The following PXDNL variants were observed in gnomAD, a reference collection of about 807,000 sequenced individuals.
PXDNL encodes peroxidasin like.
In PXDNL, 145 loss-of-function variants were observed where a neutral mutation model predicts 150.8. That is an observed-to-expected ratio of 0.96 (90% CI 0.84 to 1.10). The LOEUF (loss-of-function observed/expected upper bound fraction) is 1.10, where lower values mean the gene tolerates loss of function less well. Ranked by LOEUF, PXDNL falls within the 50% of genes least tolerant of loss-of-function variation. PXDNL has a pLI of 0.00. For synonymous variants in PXDNL, 757 were observed against 725.7 expected, an observed-to-expected ratio of 1.04 and a Z score of -0.69; for missense variants, 2,087 against 1,873.9, an observed-to-expected ratio of 1.11 and a Z score of -2.10.
intron 2 of PXDNL, among the ~76,000 whole-genome samples, chr8:51,641,460 C>T (rs1407231732): frequency 2.6e-5 from 4 of 151,948 alleles, no homozygotes; most frequent in Admixed American, 2.6e-4. Context: ...ACTTATCTGA[C>T]AAAGGGCTAA....
intron 1 of PXDNL, among the ~76,000 whole-genome samples, chr8:51,717,372 C>T (rs1025707373): frequency 1.3e-5 from 2 of 152,214 alleles, no homozygotes; most frequent in South Asian, 2.1e-4. Context: ...TCTAAGGACA[C>T]ATTATCCAGT....
At chr8:51,716,011 G>C (rs1288275540) in intron 1 of PXDNL, among the ~76,000 whole-genome samples, 1 of 152,152 alleles carries the variant, frequency 6.6e-6, no homozygotes, top group Non-Finnish European at 1.5e-5. Context: ...TATGGATGCT[G>C]TACTATGATT....
rs565144757 is a variant in PXDNL, at chr8:51,490,587, GTA to G, written c.453-6875_453-6874del. Among the ~76,000 whole-genome samples the G allele has an allele frequency of 1.9e-3, 278 of 149,358 alleles. 1 individual carries two copies. The highest frequency in any genetic ancestry group is 0.018 in the Middle Eastern group (5 of 276). The stretch of plus-strand genomic sequence containing the variant: ...CAATGAATGGACGAAATATGTATAT[GTA>G]TATATATATATTTAGTGGACTTTAT... On this transcript the variant is annotated intron_variant, in intron 5 of 22. Transcript: ENST00000356297.
At chr8:51,335,141 T>G (rs1245192485) in intron 21 of PXDNL, among the ~76,000 whole-genome samples, 1 of 152,186 alleles carries the variant, frequency 6.6e-6, no homozygotes, top group African/African-American at 2.4e-5. Flanking sequence ...CCTAATTAAT[T>G]TTAGATTAAC....
At chr8:51,370,304 T>C (rs115896568) in intron 19 of PXDNL, among the ~76,000 whole-genome samples, 1,997 of 152,292 alleles carry the variant, frequency 0.013, 35 homozygotes, top group African/African-American at 0.044. Flanking sequence ...TGCAGGGCAC[T>C]GCTCTGGTCA....
At chr8:51,638,769 A>G (rs1814668417) in intron 2 of PXDNL, among the ~76,000 whole-genome samples, 1 of 152,162 alleles carries the variant, frequency 6.6e-6, no homozygotes. Context: ...TTAACACCCC[A>G]CTGTCAACAT....
At chr8:51,374,122 A>C (rs1807221330) in intron 18 of PXDNL, among the ~76,000 whole-genome samples, 1 of 152,238 alleles carries the variant, frequency 6.6e-6, no homozygotes, top group Non-Finnish European at 1.5e-5. Context: ...GTCTAGGGTC[A>C]TCAGGTCTTC....
intron 1 of PXDNL, among the ~76,000 whole-genome samples, chr8:51,787,545 T>C (rs2037471571): frequency 6.6e-6 from 1 of 152,240 alleles, no homozygotes; most frequent in Admixed American, 6.5e-5. Context: ...TCAAGAAAAC[T>C]AGAATTTGAA....
At chr8:51,451,142 A>G (rs564258369) in intron 10 of PXDNL, among the ~76,000 whole-genome samples, 2 of 151,096 alleles carry the variant, frequency 1.3e-5, no homozygotes, top group Non-Finnish European at 3.0e-5. Context: ...TTTTATTTTA[A>G]TTATTAAAAA....
chr8:51,578,562 C>T (rs951396853), intron 3 of PXDNL, among the ~76,000 whole-genome samples: 3 of 151,452 alleles, frequency 2.0e-5, no homozygotes, highest in Non-Finnish European at 2.9e-5. Flanking sequence ...AACTGCCATA[C>T]AAATTTAAAA....
At chr8:51,456,657 A>G (rs1809943927) in intron 9 of PXDNL, among the ~76,000 whole-genome samples, 1 of 152,214 alleles carries the variant, frequency 6.6e-6, no homozygotes, top group Admixed American at 6.5e-5. Context: ...CTTCGGTCTC[A>G]GGGTTATTAT....
rs752181308 is a variant in PXDNL, at chr8:51,411,265, C to T, written c.2047G>A (p.Asp683Asn). The T allele has an allele frequency of 4.7e-6, 7 of 1,489,394 alleles. No homozygotes were observed. The African/African-American group carries it at 7.2e-5, about 15-fold the overall frequency. 92.3% of individuals were successfully genotyped at this position (1,489,394 alleles called of 1,614,324 possible). ...RERVKQGLTV[D>N]LEGKEFRYND... Reference sequence around the variant, plus strand: ...TGTGGCTGACCTTTGCCTTCCAAGTCCACAGTGAGCCCCTGCTTCACACGT... The same window carrying T: ...TGTGGCTGACCTTTGCCTTCCAAGTTCACAGTGAGCCCCTGCTTCACACGT... The change falls in exon 16 of 23, where the codon GAC becomes AAC. Residue 683 changes from aspartate to asparagine, a missense_variant. Physicochemically the swap from Asp to Asn is conservative, Grantham distance 23 (BLOSUM62 1). Coordinates refer to ENST00000356297, the MANE Select transcript of PXDNL (RefSeq NM_144651.5).
At chr8:51,599,020 T>C (rs1813634800) in intron 2 of PXDNL, among the ~76,000 whole-genome samples, 1 of 152,126 alleles carries the variant, frequency 6.6e-6, no homozygotes, top group Non-Finnish European at 1.5e-5. Flanking sequence ...AGTTTGTGTA[T>C]ATAGAGGTGT....
At chr8:51,764,378 A>G (rs1232353390) in intron 1 of PXDNL, among the ~76,000 whole-genome samples, 1 of 110,106 alleles carries the variant, frequency 9.1e-6, no homozygotes, top group Admixed American at 8.6e-5. Flanking sequence ...TTCTTTTTCT[A>G]GTTTTTTTTT....
intron 1 of PXDNL, among the ~76,000 whole-genome samples, chr8:51,774,280 C>A (rs1340307281): frequency 6.6e-6 from 1 of 152,178 alleles, no homozygotes; most frequent in Non-Finnish European, 1.5e-5. Context: ...AATAATGTTG[C>A]ACCTCCTAAA....
chr8:51,323,933 A>G (rs1227361281), intron 21 of PXDNL, among the ~76,000 whole-genome samples: 2 of 134,890 alleles, frequency 1.5e-5, no homozygotes, highest in Non-Finnish European at 1.5e-5. Flanking sequence ...AATAAAATAA[A>G]ATAAAATAAA....
intron 17 of PXDNL, among the ~76,000 whole-genome samples, chr8:51,391,557 T>A (rs1019420841): frequency 2.0e-5 from 3 of 152,252 alleles, no homozygotes; most frequent in Non-Finnish European, 4.4e-5. Context: ...GAAGTGTCTG[T>A]TCGTGTCCTT....
chr8:51,396,224 G>T lies in PXDNL; in HGVS notation c.3557+11843C>A, dbSNP rs542731645. Among the ~76,000 whole-genome samples, 4 of 152,342 alleles carry T rather than the reference G, an allele frequency of 2.6e-5. No individual in the cohort carries two copies. In the South Asian group the frequency reaches 8.3e-4, roughly 32 times the overall value. ...GTGTGTATGATGTGTGATTTGGATG[G>T]ATGGCTAAACTGAGTTTTTTCTCTT... On this transcript the variant is annotated intron_variant, in intron 17 of 22. Coordinates refer to ENST00000356297, the MANE Select transcript of PXDNL (RefSeq NM_144651.5).
At chr8:51,555,382 C>G (rs1812578763) in intron 4 of PXDNL, among the ~76,000 whole-genome samples, 1 of 152,146 alleles carries the variant, frequency 6.6e-6, no homozygotes, top group Non-Finnish European at 1.5e-5. Flanking sequence ...CTTCTTAATG[C>G]TGCTACAATG....
Sources: gnomAD v4.1 joint callset for allele counts (sites outside exome capture counted in the v4.1 genomes callset) on GRCh38, gnomAD v4.1.1 for gene constraint, MANE v1.5 for transcripts, NCBI Gene and HGNC (gene_info 2026-07-23, HGNC 2026-07-21) for gene names.